AGK: variants seen among roughly 807,000 people sequenced by gnomAD.
The protein encoded by AGK is acylglycerol kinase, mitochondrial.
Under a neutral mutation model 66.4 loss-of-function variants are expected in AGK, and 52 were observed. The ratio of observed to expected loss-of-function variants is 0.78; its 90% CI spans 0.63 to 0.99. The LOEUF (loss-of-function observed/expected upper bound fraction) is 0.99, where lower values mean the gene tolerates loss of function less well. Ranked by LOEUF, AGK falls within the 50% of genes least tolerant of loss-of-function variation. AGK has a pLI of 0.00. For missense variants in AGK, 451 were observed against 506.6 expected, an observed-to-expected ratio of 0.89 and a Z score of 1.05; for synonymous variants, 182 against 181.1, an observed-to-expected ratio of 1.00 and a Z score of -0.04.
At chr7:141,599,288 A>G (rs1387112459) in intron 4 of AGK, 2 of 152,178 alleles carry the variant, frequency 1.3e-5, no homozygotes, top group African/African-American at 4.8e-5. Flanking sequence ...GCATTAATAA[A>G]TAATACATAA....
At position 141,569,693 on chromosome 7, in the gene AGK, C is replaced by T. The variant is rs180960989; in HGVS notation, c.101+14126C>T. ...CTCATACTCATGTGAGATTAATAGC[C>T]CTATATAGATGAAGAAACTTAGGGG... On this transcript the variant is annotated intron_variant, in intron 2 of 15. Coordinates refer to ENST00000649286, the MANE Select transcript of AGK (RefSeq NM_018238.4). 5.6e-4 allele frequency among the ~76,000 whole-genome samples: 85 copies of T among 151,994 alleles called. 1 individual carries two copies. In the East Asian group the frequency reaches 0.016, roughly 29 times the overall value.
chr7:141,602,501 T>C (rs1796369763), intron 5 of AGK, among the ~76,000 whole-genome samples: 1 of 152,162 alleles, frequency 6.6e-6, no homozygotes, highest in African/African-American at 2.4e-5. Context: ...ATATCTTCTA[T>C]TTAACTTTTA....
At position 141,633,931 on chromosome 7, in the gene AGK, A is replaced by G. The variant is rs561898521; in HGVS notation, c.619A>G (p.Thr207Ala). 272 of 1,614,108 alleles carry G rather than the reference A, an allele frequency of 1.7e-4. 5 individuals are homozygous for G. In the South Asian group the frequency reaches 2.7e-3, roughly 16 times the overall value. Residue 207 changes from threonine to alanine, a missense_variant, in exon 10 of 16, where the codon ACC (threonine) becomes GCC (alanine). Transcript: ENST00000649286. Reference sequence around the variant, plus strand: ...AAAGGAACAGCCTGTATTTGCAATGACCGGCCTTCGATGGGGATCTTTCAG... The same window carrying G: ...AAAGGAACAGCCTGTATTTGCAATGGCCGGCCTTCGATGGGGATCTTTCAG... Reference protein sequence around the residue: ...GEKEQPVFAMTGLRWGSFRDA... With the variant: ...GEKEQPVFAMAGLRWGSFRDA...
rs151303586 is a variant in AGK, at chr7:141,608,660, C to T, written c.298-2535C>T. Among the ~76,000 whole-genome samples, 12 of 152,244 alleles carry T rather than the reference C, an allele frequency of 7.9e-5. No individual in the cohort carries two copies. In the East Asian group the frequency reaches 1.9e-3, roughly 24 times the overall value. ...TCAATGAAATGTCCTAGGAATCTTC[C>T]AGCAATTTGACATCATTCCAATGAG... On this transcript the variant is annotated intron_variant, in intron 5 of 15. Transcript: ENST00000649286.
In AGK at chr7:141,566,410, CAA is replaced by C. The variant is rs772726985; in HGVS notation, c.101+10844_101+10845del. On this transcript the variant is annotated intron_variant, in intron 2 of 15. Coordinates refer to ENST00000649286, the MANE Select transcript of AGK (RefSeq NM_018238.4). ...TTTTATTTATGAAAGATGGAACAAA[CAA>C]GAGAATGAAAGGATGAGTGTGCAGA... 8.9e-4 allele frequency among the ~76,000 whole-genome samples: 135 copies of C among 152,206 alleles called. 1 individual carries two copies. The highest frequency in any genetic ancestry group is 1.8e-3 in the Non-Finnish European group (121 of 68,014).
chr7:141,606,617 CCTA>C (rs1203614418), intron 5 of AGK, among the ~76,000 whole-genome samples: 2 of 152,144 alleles, frequency 1.3e-5, no homozygotes, highest in East Asian at 3.8e-4. Context: ...TTATAAATTT[CCTA>C]CAATTGATGA....
At chr7:141,576,430 C>A (rs1795739452) in intron 2 of AGK, among the ~76,000 whole-genome samples, 2 of 151,464 alleles carry the variant, frequency 1.3e-5, no homozygotes, top group Non-Finnish European at 1.5e-5. Flanking sequence ...GGGTACCAGC[C>A]AGAGTGGCAG....
intron 9 of AGK, among the ~76,000 whole-genome samples, chr7:141,625,381 A>G (rs1796914915): frequency 6.6e-6 from 1 of 151,842 alleles, no homozygotes; most frequent in African/African-American, 2.4e-5. Context: ...ACAGGATCTC[A>G]CTCTGTCACC....
intron 2 of AGK, among the ~76,000 whole-genome samples, chr7:141,587,725 C>T (rs962286178): frequency 2.6e-5 from 4 of 152,172 alleles, no homozygotes; most frequent in Non-Finnish European, 5.9e-5. Flanking sequence ...TAGATGCCCC[C>T]ATTATGTGCC....
chr7:141,621,618 G>A lies in AGK; in HGVS notation c.519-114G>A, dbSNP rs946564524. The A allele has an allele frequency of 4.2e-6, 3 of 722,556 alleles. No individual in the cohort carries two copies. In the Admixed American group the frequency reaches 7.1e-5, roughly 17 times the overall value. 44.8% of individuals were successfully genotyped at this position (722,556 alleles called of 1,614,324 possible). A position where few individuals can be genotyped will look rare whatever the true frequency, so the allele number is the denominator to read the frequency against. The stretch of plus-strand genomic sequence containing the variant: ...GGGGAGAGAGAGAGAGGGAGAGAGA[G>A]AGAATGAGAGAGAATATGTGTGTGT... On this transcript the variant is annotated intron_variant, in intron 8 of 15. Coordinates refer to ENST00000649286, the MANE Select transcript of AGK (RefSeq NM_018238.4).
chr7:141,601,164 A>C, intron 4 of AGK, 41 bp from the exon 5 acceptor site: 1 of 1,448,616 alleles, frequency 6.9e-7, no homozygotes, highest in South Asian at 1.2e-5. Flanking sequence ...TGCTCTTGAT[A>C]ACCTGTGTTA....
intron 2 of AGK, among the ~76,000 whole-genome samples, chr7:141,577,944 C>T (rs1464163765): frequency 6.6e-6 from 1 of 151,806 alleles, no homozygotes; most frequent in African/African-American, 2.4e-5. Context: ...TCTCAGGTAG[C>T]TGGGACTACA....
intron 8 of AGK, among the ~76,000 whole-genome samples, chr7:141,618,578 A>C (rs1213443145): frequency 6.6e-6 from 1 of 152,226 alleles, no homozygotes; most frequent in Non-Finnish European, 1.5e-5. Flanking sequence ...TAATTAAAAC[A>C]AATATAAATC....
intron 2 of AGK, among the ~76,000 whole-genome samples, chr7:141,564,795 TCTC>T (rs1165497860): frequency 6.6e-6 from 1 of 152,064 alleles, no homozygotes; most frequent in African/African-American, 2.4e-5. Context: ...AACGGCATGA[TCTC>T]CACTCACCAC....
intron 2 of AGK, among the ~76,000 whole-genome samples, chr7:141,570,464 T>C (rs191615540): frequency 6.6e-6 from 1 of 152,320 alleles, no homozygotes; most frequent in East Asian, 1.9e-4. Context: ...ACAAAGTACA[T>C]GTTAAGGATG....
chr7:141,558,395 C>T (rs993670541), intron 2 of AGK, among the ~76,000 whole-genome samples: 3 of 151,748 alleles, frequency 2.0e-5, no homozygotes, highest in African/African-American at 4.8e-5. Flanking sequence ...GAACTCCTGA[C>T]CTCAGGTGAT....
chr7:141,568,536 C>T (rs1795516072), intron 2 of AGK, among the ~76,000 whole-genome samples: 1 of 151,946 alleles, frequency 6.6e-6, no homozygotes, highest in African/African-American at 2.4e-5. Context: ...TGCTACCCAC[C>T]TCAGCCTGTG....
At chr7:141,591,315 A>T (rs1035165929) in intron 2 of AGK, among the ~76,000 whole-genome samples, 1 of 151,664 alleles carries the variant, frequency 6.6e-6, no homozygotes, top group Non-Finnish European at 1.5e-5. Context: ...CTGGTCACGA[A>T]CTCCTGACCT....
At chr7:141,617,275 AT>A (rs1796727106) in intron 8 of AGK, among the ~76,000 whole-genome samples, 1 of 152,138 alleles carries the variant, frequency 6.6e-6, no homozygotes, top group Non-Finnish European at 1.5e-5. Flanking sequence ...CCAAAAGCTA[AT>A]TTACACAGAG....
Sources: gnomAD v4.1 joint callset for allele counts (sites outside exome capture counted in the v4.1 genomes callset) on GRCh38, gnomAD v4.1.1 for gene constraint, MANE v1.5 for transcripts, NCBI Gene and HGNC (gene_info 2026-07-23, HGNC 2026-07-21) for gene names.